The following PRTFDC1 variants were observed in gnomAD, a reference collection of about 807,000 sequenced individuals.
PRTFDC1 encodes phosphoribosyltransferase domain-containing protein 1.
In PRTFDC1, 38 loss-of-function variants were observed where a neutral mutation model predicts 34.6. That is an observed-to-expected ratio of 1.10 (90% CI 0.85 to 1.44). The LOEUF is 1.44. Among genes scored for constraint, PRTFDC1 ranks in the 40% most tolerant of loss-of-function variants. The probability of loss-of-function intolerance (pLI) is 0.00; values close to 1 mark genes in which losing one functional copy is unlikely to be tolerated. For synonymous variants in PRTFDC1, 93 were observed against 98.1 expected (o/e 0.95, Z 0.31); for missense variants, 270 against 283.0 (o/e 0.95, Z 0.33).
chr10:24,887,128 GC>G (rs1455976590), intron 3 of PRTFDC1, among the ~76,000 whole-genome samples: 1 of 150,706 alleles, frequency 6.6e-6, no homozygotes, highest in African/African-American at 2.4e-5. Context: ...CCGCCACCGC[GC>G]CCGGCTAATT....
At chr10:24,897,175 A>G (rs1433045083) in intron 3 of PRTFDC1, among the ~76,000 whole-genome samples, 6 of 152,214 alleles carry the variant, frequency 3.9e-5, no homozygotes. Context: ...AAGCCACTAT[A>G]CTCCAGCCTG....
At chr10:24,850,188 T>C (rs1588567716) in intron 8 of PRTFDC1, among the ~76,000 whole-genome samples, 1 of 152,186 alleles carries the variant, frequency 6.6e-6, no homozygotes, top group Non-Finnish European at 1.5e-5. Context: ...AGTCTCCTAC[T>C]GGTAAGATGA....
chr10:24,948,622 A>G (rs556120390), intron 1 of PRTFDC1, among the ~76,000 whole-genome samples: 144 of 152,282 alleles, frequency 9.5e-4, no homozygotes, highest in African/African-American at 3.4e-3. Context: ...CTCGTTTTAT[A>G]TTTATATCAT....
intron 1 of PRTFDC1, among the ~76,000 whole-genome samples, chr10:24,951,106 A>G (rs964974738): frequency 6.6e-6 from 1 of 152,008 alleles, no homozygotes; most frequent in Non-Finnish European, 1.5e-5. Context: ...ATTCTTTTGC[A>G]TTTGGTATGC....
In PRTFDC1 at chr10:24,871,603, T is replaced by C. The variant is rs537720251; in HGVS notation, c.405+395A>G. ...CAGATTTTGTACTTGTCAATGAACC[T>C]GTGTAAATGTCTTACTGACGTGCCT... On this transcript the variant is annotated intron_variant, in intron 4 of 8. Coordinates refer to ENST00000320152, the MANE Select transcript of PRTFDC1 (RefSeq NM_020200.7). Among the ~76,000 whole-genome samples, 16 of 151,178 alleles carry C rather than the reference T, an allele frequency of 1.1e-4. No homozygotes were observed. In the South Asian group the frequency reaches 3.2e-3, roughly 30 times the overall value.
chr10:24,905,142 A>G (rs1848511118), intron 3 of PRTFDC1, among the ~76,000 whole-genome samples: 1 of 151,396 alleles, frequency 6.6e-6, no homozygotes, highest in South Asian at 2.1e-4. Flanking sequence ...CTTTGTGTCT[A>G]GAAGTACAAA....
At chr10:24,929,045 A>C (rs1193111504) in intron 3 of PRTFDC1, among the ~76,000 whole-genome samples, 48 of 112,084 alleles carry the variant, frequency 4.3e-4, no homozygotes, top group African/African-American at 1.5e-3. Context: ...CGTCTCAAAA[A>C]AAAAAAAAAA....
intron 3 of PRTFDC1, among the ~76,000 whole-genome samples, chr10:24,929,979 G>C (rs61854332): frequency 0.15 from 22,198 of 152,050 alleles, 1,854 homozygotes; most frequent in East Asian, 0.28. Context: ...TTTGATCCCA[G>C]GGAGGTTGAA....
chr10:24,931,114 C>T (rs573467359), intron 3 of PRTFDC1, among the ~76,000 whole-genome samples: 1 of 152,052 alleles, frequency 6.6e-6, no homozygotes, highest in East Asian at 1.9e-4. Flanking sequence ...TGGAAAATCC[C>T]CCAAATACTT....
chr10:24,942,435 A>C lies in PRTFDC1; in HGVS notation c.50T>G (p.Ile17Ser). The C allele has an allele frequency of 1.2e-6, 2 of 1,608,352 alleles. No homozygotes were observed. The highest frequency in any genetic ancestry group is 8.5e-7 in the Non-Finnish European group (1 of 1,174,718). The change falls in exon 2 of 9, where the codon ATT becomes AGT. Residue 17 changes from isoleucine to serine, a missense_variant and splice_region_variant. By Grantham distance (142) the Ile-to-Ser change is moderately radical (BLOSUM62 -2). Coordinates refer to ENST00000320152, the MANE Select transcript of PRTFDC1 (RefSeq NM_020200.7). ...EAPDYGRGVVIMDDWPGYDLN... is the reference protein window; with the variant it reads ...EAPDYGRGVVSMDDWPGYDLN... ...GTCATACCCTGGCCAATCATCCATA[A>C]TCTGCAAATCAAATTATTTTGGTTA...
At chr10:24,941,564 C>T (rs1294491316) in intron 2 of PRTFDC1, among the ~76,000 whole-genome samples, 1 of 151,922 alleles carries the variant, frequency 6.6e-6, no homozygotes, top group Non-Finnish European at 1.5e-5. Context: ...CCTAGAATAT[C>T]GATTTGAAAT....
chr10:24,886,132 C>T (rs749410519), intron 3 of PRTFDC1, among the ~76,000 whole-genome samples: 14 of 152,072 alleles, frequency 9.2e-5, no homozygotes, highest in East Asian at 3.9e-4. Flanking sequence ...ATGCAAACTA[C>T]GAACTTTGGG....
At chr10:24,927,774 G>T (rs968898696) in intron 3 of PRTFDC1, among the ~76,000 whole-genome samples, 17 of 151,964 alleles carry the variant, frequency 1.1e-4, no homozygotes, top group Non-Finnish European at 1.9e-4. Context: ...TAGAGGTGAG[G>T]TTTCACCATG....
chr10:24,939,157 C>T (rs866733386), intron 2 of PRTFDC1, among the ~76,000 whole-genome samples: 4 of 151,752 alleles, frequency 2.6e-5, no homozygotes, highest in Admixed American at 6.6e-5. Flanking sequence ...AAAAATTAGC[C>T]GGGCTTGGTG....
At chr10:24,943,699 G>A (rs1487744309) in intron 1 of PRTFDC1, among the ~76,000 whole-genome samples, 2 of 152,060 alleles carry the variant, frequency 1.3e-5, no homozygotes, top group African/African-American at 4.8e-5. Context: ...ACAGGTGTGT[G>A]CCACCATGCC....
At chr10:24,866,014 A>C (rs1847767951) in intron 4 of PRTFDC1, among the ~76,000 whole-genome samples, 1 of 152,214 alleles carries the variant, frequency 6.6e-6, no homozygotes, top group African/African-American at 2.4e-5. Flanking sequence ...TAAACAGTTA[A>C]GGCAGCCAAG....
intron 3 of PRTFDC1, among the ~76,000 whole-genome samples, chr10:24,887,252 G>A: frequency 6.6e-6 from 1 of 151,544 alleles, no homozygotes; most frequent in South Asian, 2.1e-4. Context: ...TTACAGGCGT[G>A]AGCCACCGCG....
chr10:24,889,739 T>C (rs895180306), intron 3 of PRTFDC1, among the ~76,000 whole-genome samples: 1 of 152,358 alleles, frequency 6.6e-6, no homozygotes, highest in East Asian at 1.9e-4. Context: ...CCACCTTCCA[T>C]TTTTCAGAAT....
At chr10:24,927,982 G>A (rs1399405250) in intron 3 of PRTFDC1, among the ~76,000 whole-genome samples, 1 of 152,118 alleles carries the variant, frequency 6.6e-6, no homozygotes, top group Non-Finnish European at 1.5e-5. Flanking sequence ...AAAAAGATGA[G>A]GCGCTACCAA....
Sources: allele counts gnomAD v4.1 joint callset (sites outside exome capture counted in the v4.1 genomes callset), GRCh38; gene constraint gnomAD v4.1.1; transcripts MANE v1.5; gene names NCBI Gene and HGNC (gene_info 2026-07-23, HGNC 2026-07-21).